Variants in LRFN5 observed in about 807,000 individuals in gnomAD.
The protein encoded by LRFN5 is leucine-rich repeat and fibronectin type-III domain-containing protein 5.
LRFN5 carries 24 observed loss-of-function variants against 45.6 expected under a neutral mutation model. That is an observed-to-expected ratio of 0.53 (90% CI 0.38 to 0.74). LRFN5 has a LOEUF of 0.74. LRFN5 is among the 30% of genes least tolerant of loss of function. LRFN5 has a pLI of 0.00. For missense variants in LRFN5, 776 were observed against 861.5 expected, an observed-to-expected ratio of 0.90 and a Z score of 1.24; for synonymous variants, 340 against 313.8, an observed-to-expected ratio of 1.08 and a Z score of -0.88.
At chr14:41,613,812 T>C (rs1887842474) in intron 1 of LRFN5, among the ~76,000 whole-genome samples, 1 of 152,070 alleles carries the variant, frequency 6.6e-6, no homozygotes, top group Non-Finnish European at 1.5e-5. Context: ...TAAACAATGC[T>C]GTTTATCTTG....
At chr14:41,763,102 T>C (rs1885737400) in intron 1 of LRFN5, among the ~76,000 whole-genome samples, 1 of 152,160 alleles carries the variant, frequency 6.6e-6, no homozygotes, top group African/African-American at 2.4e-5. Context: ...TTAGGGCAGG[T>C]TTAGGAAGAA....
chr14:41,816,850 A>G (rs2139003691), intron 2 of LRFN5, among the ~76,000 whole-genome samples: 1 of 152,116 alleles, frequency 6.6e-6, no homozygotes, highest in East Asian at 1.9e-4. Context: ...TGTGGTTTCA[A>G]ATATTTACTA....
chr14:41,690,496 A>G (rs1384265011), intron 1 of LRFN5, among the ~76,000 whole-genome samples: 2 of 152,178 alleles, frequency 1.3e-5, no homozygotes, highest in Non-Finnish European at 2.9e-5. Context: ...TGGAGGTTGC[A>G]GTGAGCTGAG....
At chr14:41,803,487 GA>G (rs1418388670) in intron 2 of LRFN5, among the ~76,000 whole-genome samples, 1 of 151,720 alleles carries the variant, frequency 6.6e-6, no homozygotes, top group East Asian at 1.9e-4. Flanking sequence ...GAGTAGCTAG[GA>G]CTACAAGTGC....
At chr14:41,748,340 A>T (rs1344688293) in intron 1 of LRFN5, among the ~76,000 whole-genome samples, 2 of 152,056 alleles carry the variant, frequency 1.3e-5, no homozygotes, top group Non-Finnish European at 2.9e-5. Flanking sequence ...AGCCTCATAA[A>T]GGAAAAAACA....
intron 1 of LRFN5, among the ~76,000 whole-genome samples, chr14:41,763,029 G>T (rs983977493): frequency 5.3e-5 from 8 of 152,098 alleles, no homozygotes; most frequent in African/African-American, 1.9e-4. Context: ...TAAAATGAAG[G>T]GAATATGTGA....
chr14:41,763,637 A>C (rs1885759142), intron 1 of LRFN5, among the ~76,000 whole-genome samples: 1 of 152,094 alleles, frequency 6.6e-6, no homozygotes, highest in Admixed American at 6.5e-5. Flanking sequence ...GTGATAGTGA[A>C]TAAGTCTCAT....
chr14:41,734,029 C>CTTTTTTTTTTT (rs58623215), intron 1 of LRFN5, among the ~76,000 whole-genome samples: 10 of 123,872 alleles, frequency 8.1e-5, no homozygotes, highest in African/African-American at 1.3e-4. Context: ...CTTTTCTTTT[C>CTTTTTTTTTTT]TTTTTTTTTT....
chr14:41,788,472 T>C (rs1004626542), intron 2 of LRFN5, among the ~76,000 whole-genome samples: 2 of 152,066 alleles, frequency 1.3e-5, no homozygotes, highest in African/African-American at 2.4e-5. Flanking sequence ...TTGAATGCAA[T>C]TGGGAAGAAG....
At chr14:41,697,587 TAA>T (rs960003427) in intron 1 of LRFN5, among the ~76,000 whole-genome samples, 2 of 151,748 alleles carry the variant, frequency 1.3e-5, no homozygotes, top group African/African-American at 4.8e-5. Flanking sequence ...TTGTCCATAT[TAA>T]GTCTACCTTT....
chr14:41,835,718 C>T (rs1011106275), intron 2 of LRFN5, among the ~76,000 whole-genome samples: 13 of 151,664 alleles, frequency 8.6e-5, no homozygotes, highest in African/African-American at 3.2e-4. Context: ...CAGAGTGGGA[C>T]CACGTCTCAA....
At chr14:41,805,206 C>T (rs1323254385) in intron 2 of LRFN5, among the ~76,000 whole-genome samples, 1 of 151,362 alleles carries the variant, frequency 6.6e-6, no homozygotes, top group Non-Finnish European at 1.5e-5. Context: ...AATGTCTGAA[C>T]ATTTTTATCA....
chr14:41,719,674 A>C (rs954724749), intron 1 of LRFN5, among the ~76,000 whole-genome samples: 1 of 151,760 alleles, frequency 6.6e-6, no homozygotes, highest in Non-Finnish European at 1.5e-5. Context: ...TCCATCTTTT[A>C]AGATTTTGAT....
intron 1 of LRFN5, among the ~76,000 whole-genome samples, chr14:41,616,654 A>T (rs899808879): frequency 3.3e-5 from 5 of 152,176 alleles, no homozygotes; most frequent in Non-Finnish European, 5.9e-5. Flanking sequence ...AACTTACTTG[A>T]CTAAGTATCC....
rs112048047 is a variant in LRFN5, at chr14:41,904,365, C to G, written c.*190C>G. 445 of 541,336 alleles carry G rather than the reference C, an allele frequency of 8.2e-4. 3 individuals carry two copies. Among genetic ancestry groups the G allele is most frequent in the African/African-American group, 8.0e-3 (406 of 51,048 alleles). The allele number at this position is 541,336 out of a possible 1,614,324, so 33.5% of individuals were successfully genotyped here. A position where few individuals can be genotyped will look rare whatever the true frequency, so the allele number is the denominator to read the frequency against. ...GCTCCATTAGACCATGGTTCATCCT[C>G]TTTTAAAACCAAATTTTTTTTTCTT... is the stretch of plus-strand genomic sequence containing the variant. On this transcript the variant is annotated 3_prime_UTR_variant, in exon 6 of 6. Transcript: ENST00000298119.
At position 41,659,892 on chromosome 14, in the gene LRFN5, G is replaced by GTTTTTTTTT. The variant is rs11352345; in HGVS notation, c.-197+51337_-197+51345dup. Among the ~76,000 whole-genome samples the GTTTTTTTTT allele has an allele frequency of 8.1e-5, 10 of 123,902 alleles. No homozygotes were observed. The East Asian group carries it at 1.7e-3, about 21-fold the overall frequency. The allele number at this position is 123,902 out of a possible 152,430, so 81.3% of individuals were successfully genotyped here. On this transcript the variant is annotated intron_variant, in intron 1 of 5. Coordinates refer to ENST00000298119, the MANE Select transcript of LRFN5 (RefSeq NM_152447.5). ...TCATGTCCTTCACCCACTTTTTGAT[G>GTTTTTTTTT]TTTTTTTTTTTTTTTGTAAATTTGC...
chr14:41,881,523 T>C (rs993053048), intron 2 of LRFN5, among the ~76,000 whole-genome samples: 7 of 152,022 alleles, frequency 4.6e-5, no homozygotes, highest in African/African-American at 9.7e-5. Context: ...ATCTGCTGCA[T>C]TGGTCTTTTT....
At chr14:41,796,742 C>T (rs1785403336) in intron 2 of LRFN5, among the ~76,000 whole-genome samples, 1 of 151,856 alleles carries the variant, frequency 6.6e-6, no homozygotes, top group Non-Finnish European at 1.5e-5. Context: ...TTAACAACCT[C>T]ACAAGCATGG....
Position 41,608,051 on chromosome 14 carries a change from C to A in LRFN5, c.-708C>A, listed in dbSNP as rs896462572. The A allele has an allele frequency of 2.0e-5, 3 of 152,196 alleles. No homozygotes were observed. Among genetic ancestry groups the A allele is most frequent in the Admixed American group, 1.3e-4 (2 of 15,268 alleles). The allele number at this position is 152,196 out of a possible 1,614,324, so 9.4% of individuals were successfully genotyped here. On this transcript the variant is annotated 5_prime_UTR_variant, in exon 1 of 6. Transcript: ENST00000298119. ...CACCAGCTCTTGAATTACGTGGATT[C>A]GGGTTGGAGGAGAACTTGAAGGAAA...
Sources: allele counts gnomAD v4.1 joint callset (sites outside exome capture counted in the v4.1 genomes callset), GRCh38; gene constraint gnomAD v4.1.1; transcripts MANE v1.5; gene names NCBI Gene and HGNC (gene_info 2026-07-23, HGNC 2026-07-21).